NIM1K: variants seen among roughly 807,000 people sequenced by gnomAD.
NIM1K encodes NIM1 serine/threonine protein kinase, also known as serine/threonine-protein kinase NIM1.
NIM1K carries 35 observed loss-of-function variants against 37.1 expected under a neutral mutation model. The ratio of observed to expected loss-of-function variants is 0.94; its 90% CI spans 0.72 to 1.25. The LOEUF is 1.25. Among genes scored for constraint, NIM1K ranks in the 50% most tolerant of loss-of-function variants. NIM1K has a pLI of 0.00. For synonymous variants in NIM1K, 234 were observed against 206.6 expected (o/e 1.13, Z -1.14); for missense variants, 564 against 548.0 (o/e 1.03, Z -0.29).
intron 3 of NIM1K, among the ~76,000 whole-genome samples, chr5:43,277,801 TGTGTGTGTGTGTGTGAGAGAGAGA>T: frequency 6.7e-6 from 1 of 149,300 alleles, no homozygotes; most frequent in African/African-American, 2.5e-5. Flanking sequence ...TGTGTGTGTG[TGTGTGTGTGTGTGTGAGAGAGAGA>T]GAGAGAGAGA....
intron 1 of NIM1K, among the ~76,000 whole-genome samples, chr5:43,216,606 T>A (rs939546282): frequency 1.3e-5 from 2 of 152,234 alleles, no homozygotes; most frequent in African/African-American, 4.8e-5. Flanking sequence ...TTGTCCTTTG[T>A]CTCCTAATCC....
intron 1 of NIM1K, among the ~76,000 whole-genome samples, chr5:43,231,512 T>C (rs1462633971): frequency 6.7e-6 from 1 of 149,848 alleles, no homozygotes; most frequent in Non-Finnish European, 1.5e-5. Flanking sequence ...CTCTATTACA[T>C]ATTAAATCTC....
chr5:43,211,042 G>C (rs534544153), intron 1 of NIM1K, among the ~76,000 whole-genome samples: 21 of 152,224 alleles, frequency 1.4e-4, no homozygotes, highest in Middle Eastern at 3.4e-3. Context: ...CATGATGGCA[G>C]GTGCCTGTAA....
chr5:43,266,036 C>T (rs1008275834), intron 2 of NIM1K, among the ~76,000 whole-genome samples: 11 of 152,234 alleles, frequency 7.2e-5, no homozygotes, highest in African/African-American at 2.4e-4. Context: ...TCGGCCCCTA[C>T]TGGGAGGTGC....
rs114075653 is a variant in NIM1K at position 43,236,838 on chromosome 5, G to T, written c.-694-8244G>T. On this transcript the variant is annotated intron_variant, in intron 1 of 3. Transcript: ENST00000326035. ...CGCTCTGAGACCAAGTAGGGGAGAG[G>T]TGGTGTCACAGAGCAGAACTGCTGT... is the stretch of plus-strand genomic sequence containing the variant. Among the ~76,000 whole-genome samples the T allele has an allele frequency of 5.5e-3, 832 of 152,332 alleles. 2 individuals carry two copies. The highest frequency in any genetic ancestry group is 0.013 in the African/African-American group (555 of 41,578).
intron 1 of NIM1K, among the ~76,000 whole-genome samples, chr5:43,219,069 T>C (rs1752347405): frequency 6.6e-6 from 1 of 152,182 alleles, no homozygotes; most frequent in South Asian, 2.1e-4. Flanking sequence ...TGCTCAGCAC[T>C]TCTCCTTGCT....
chr5:43,245,996 A>G lies in NIM1K; in HGVS notation c.221A>G (p.Tyr74Cys). ...EITLGKRIGF[Y>C]RIRGEIGSGN... ...ACGCTGGGGAAACGGATAGGCTTCTACCGAATTCGAGGGGAAATCGGAAGT... is the reference window on the plus strand; with the variant it reads ...ACGCTGGGGAAACGGATAGGCTTCTGCCGAATTCGAGGGGAAATCGGAAGT... Residue 74 changes from tyrosine (Y) to cysteine (C), a missense_variant, in exon 2 of 4, where the codon TAC (tyrosine) becomes TGC (cysteine). Transcript: ENST00000326035. 6.2e-7 allele frequency: 1 copy of G among 1,614,030 alleles called. No homozygotes were observed. Among genetic ancestry groups the G allele is most frequent in the Non-Finnish European group, 8.5e-7 (1 of 1,179,914 alleles).
Position 43,280,319 on chromosome 5 carries a change from C to T in NIM1K, c.901C>T (p.Leu301Phe). The stretch of plus-strand genomic sequence containing the variant: ...GCACGTGTCAGAGCCCTGCCACCGA[C>T]TCATCCGAGGAGTCCTTCAGCAGAT... The part of the protein sequence containing the change: ...PPHVSEPCHR[L>F]IRGVLQQIPT... Residue 301 changes from leucine (L) to phenylalanine (F), a missense_variant, in exon 4 of 4, where the codon CTC becomes TTC. By Grantham distance (22) the Leu-to-Phe change is conservative. Transcript: ENST00000326035. 1 of 1,614,172 alleles carries T rather than the reference C, an allele frequency of 6.2e-7. No individual in the cohort carries two copies. Among genetic ancestry groups the T allele is most frequent in the Non-Finnish European group, 8.5e-7 (1 of 1,180,046 alleles).
intron 1 of NIM1K, among the ~76,000 whole-genome samples, chr5:43,242,332 G>GA (rs1752715057): frequency 6.6e-6 from 1 of 151,844 alleles, no homozygotes; most frequent in African/African-American, 2.4e-5. Flanking sequence ...GAGAGTTGGG[G>GA]AACAGGAAAG....
chr5:43,233,316 A>AC (rs2112246054), intron 1 of NIM1K: 1 of 456,334 alleles, frequency 2.2e-6, no homozygotes, highest in African/African-American at 2.0e-5. Context: ...GACACTTAAA[A>AC]AAAAAAAAAA....
At chr5:43,214,326 A>T (rs1752265709) in intron 1 of NIM1K, among the ~76,000 whole-genome samples, 1 of 151,460 alleles carries the variant, frequency 6.6e-6, no homozygotes, top group African/African-American at 2.4e-5. Context: ...AACAATAAAA[A>T]CACACCCAGA....
intron 1 of NIM1K, among the ~76,000 whole-genome samples, chr5:43,200,561 A>C (rs1415465437): frequency 6.6e-6 from 1 of 152,050 alleles, no homozygotes; most frequent in African/African-American, 2.4e-5. Context: ...CAGCCTCCCA[A>C]AGTGATGAGA....
In NIM1K at chr5:43,271,469, G is replaced by A. The variant is rs529864341; in HGVS notation, c.293-5588G>A. 2.6e-5 allele frequency among the ~76,000 whole-genome samples: 4 copies of A among 152,146 alleles called. No individual in the cohort carries two copies. In the East Asian group the frequency reaches 7.7e-4, roughly 29 times the overall value. On this transcript the variant is annotated intron_variant, in intron 2 of 3. Transcript: ENST00000326035. ...TATATTGAAAATGTGTAAATCAGTA[G>A]TACATGGATACACTTTATAAATACG...
Position 43,277,315 on chromosome 5 carries a change from T to G in NIM1K, c.551T>G (p.Val184Gly). 1 of 1,613,828 alleles carries G rather than the reference T, an allele frequency of 6.2e-7. No homozygotes were observed. Among genetic ancestry groups the G allele is most frequent in the Non-Finnish European group, 8.5e-7 (1 of 1,179,878 alleles). Residue 184 changes from valine to glycine, a missense_variant, in exon 3 of 4, where the codon GTG (valine) becomes GGG (glycine). By Grantham distance (109) the Val-to-Gly change is moderately radical (BLOSUM62 -3). Coordinates refer to ENST00000326035, the MANE Select transcript of NIM1K (RefSeq NM_153361.4). ...ATCTTCTCCCAGATTGTGTCTGCCG[T>G]GAAGCACATGGTGAGCAGGGGTGAC... The part of the protein sequence containing the change: ...KLIFSQIVSA[V>G]KHMHENQIIH...
chr5:43,223,164 A>G (rs1752406064), intron 1 of NIM1K, among the ~76,000 whole-genome samples: 1 of 144,942 alleles, frequency 6.9e-6, no homozygotes, highest in African/African-American at 2.5e-5. Context: ...AAAAAAAGTT[A>G]GGTTGTTATA....
intron 2 of NIM1K, among the ~76,000 whole-genome samples, chr5:43,272,621 T>C (rs897812986): frequency 8.5e-5 from 13 of 152,160 alleles, no homozygotes; most frequent in Admixed American, 8.5e-4. Flanking sequence ...AAGCCTCAGC[T>C]TCTCTCTACA....
At chr5:43,208,157 GA>G (rs1417913779) in intron 1 of NIM1K, among the ~76,000 whole-genome samples, 1 of 152,070 alleles carries the variant, frequency 6.6e-6, no homozygotes, top group African/African-American at 2.4e-5. Flanking sequence ...TTGGAGGAAT[GA>G]ACATCGTTGT....
chr5:43,229,812 T>G (rs981452901), intron 1 of NIM1K, among the ~76,000 whole-genome samples: 12 of 151,120 alleles, frequency 7.9e-5, no homozygotes, highest in African/African-American at 3.0e-4. Flanking sequence ...AATTTTTGTA[T>G]TTTTAGTAGA....
Position 43,208,009 on chromosome 5 carries a change from C to T in NIM1K, c.-695+15598C>T, listed in dbSNP as rs73751051. On this transcript the variant is annotated intron_variant, in intron 1 of 3. Transcript: ENST00000326035. ...CTTATGGTGTTATTTTTTTGAAAGT[C>T]AGCTGAAGGATGGTTAGACAGCACA... is the stretch of plus-strand genomic sequence containing the variant. 1.5e-3 allele frequency among the ~76,000 whole-genome samples: 232 copies of T among 152,210 alleles called. 1 individual carries two copies. The highest frequency in any genetic ancestry group is 5.4e-3 in the African/African-American group (226 of 41,542).
Sources: gnomAD v4.1 joint callset for allele counts (sites outside exome capture counted in the v4.1 genomes callset) on GRCh38, gnomAD v4.1.1 for gene constraint, MANE v1.5 for transcripts, NCBI Gene and HGNC (gene_info 2026-07-23, HGNC 2026-07-21) for gene names.